The following ITGAE variants were observed in gnomAD, a reference collection of about 807,000 sequenced individuals.
The protein encoded by ITGAE is integrin subunit alpha E.
A neutral mutation model predicts 136.5 loss-of-function variants in ITGAE; 99 were observed. The observed-to-expected ratio is 0.73, with a 90% confidence interval of 0.62 to 0.86. The LOEUF is 0.86. Among genes scored for constraint, ITGAE ranks in the 40% least tolerant of loss-of-function variants. The probability of loss-of-function intolerance (pLI) is 0.00; values close to 1 mark genes in which losing one functional copy is unlikely to be tolerated. For missense variants in ITGAE, 1,447 were observed against 1,515.3 expected (o/e 0.95, Z 0.75); for synonymous variants, 613 against 591.8 (o/e 1.04, Z -0.52).
At chr17:3,719,774 C>G (rs2051013444) in intron 29 of ITGAE, among the ~76,000 whole-genome samples, 1 of 152,170 alleles carries the variant, frequency 6.6e-6, no homozygotes, top group Admixed American at 6.5e-5. Context: ...ATCACTGAGG[C>G]TGGAGTGGAG....
Position 3,751,871 on chromosome 17 carries a change from C to A in ITGAE, c.1672G>T (p.Gly558Cys), listed in dbSNP as rs1376427812. 6.2e-7 allele frequency: 1 copy of A among 1,613,562 alleles called. No individual in the cohort carries two copies. The highest frequency in any genetic ancestry group is 1.3e-5 in the African/African-American group (1 of 75,036). Reference protein sequence around the residue: ...VYVYRLSEQDGSFSLARILSG... With the variant: ...VYVYRLSEQDCSFSLARILSG... ...AGTATGCGTGCCAAGGAGAAAGAACCATCCTGTAAAGCAAACAAACAGCTC... is the reference window on the plus strand; with the variant it reads ...AGTATGCGTGCCAAGGAGAAAGAACAATCCTGTAAAGCAAACAAACAGCTC... Residue 558 changes from glycine (G) to cysteine (C), a missense_variant, in exon 15 of 31, where the codon GGT becomes TGT. This residue lies in a region of ITGAE where 1,031 missense variants were observed against 1,011.4 expected (regional missense o/e 1.02). Transcript: ENST00000263087.
intron 1 of ITGAE, among the ~76,000 whole-genome samples, chr17:3,791,782 T>G (rs1481535742): frequency 6.6e-6 from 1 of 152,160 alleles, no homozygotes; most frequent in Non-Finnish European, 1.5e-5. Flanking sequence ...CAGACGATGC[T>G]CTCACTGCTG....
chr17:3,742,325 A>G (rs1338406150), intron 19 of ITGAE, among the ~76,000 whole-genome samples: 1 of 152,228 alleles, frequency 6.6e-6, no homozygotes, highest in African/African-American at 2.4e-5. Context: ...TAATAGGACA[A>G]CTGGCAAAAT....
Position 3,723,394 on chromosome 17 carries a change from G to A in ITGAE, c.3142-11C>T, listed in dbSNP as rs774698538. The A allele has an allele frequency of 6.3e-7, 1 of 1,578,526 alleles. No homozygotes were observed. The highest frequency in any genetic ancestry group is 8.7e-7 in the Non-Finnish European group (1 of 1,147,682). ...CCATTCTTCCACATGCTGGAAAAGC[G>A]AGGTCTAGTGAACACAATTCCTTTC... On this transcript the variant is annotated splice_polypyrimidine_tract_variant and intron_variant, in intron 27 of 30. Coordinates refer to ENST00000263087, the MANE Select transcript of ITGAE (RefSeq NM_002208.5).
rs1301085989 is a variant in ITGAE at position 3,798,908 on chromosome 17, C to T, written c.34+2203G>A. ...GTTCCAGGGTTTCAGTGTCTGTCTG[C>T]ACCCAATGCTTCTAAAATCTCCCTT... On this transcript the variant is annotated intron_variant, in intron 1 of 30. Transcript: ENST00000263087. The surrounding 1 kb of genome is among the most constrained non-coding windows in gnomAD (Gnocchi z 4.3). Among the ~76,000 whole-genome samples, 1 of 152,168 alleles carries T rather than the reference C, an allele frequency of 6.6e-6. No individual in the cohort carries two copies. Among genetic ancestry groups the T allele is most frequent in the African/African-American group, 2.4e-5 (1 of 41,434 alleles).
At position 3,750,019 on chromosome 17, in the gene ITGAE, AAAAAAAC is replaced by A. The variant is rs760800354; in HGVS notation, c.2024+326_2024+332del. 6.6e-5 allele frequency among the ~76,000 whole-genome samples: 10 copies of A among 152,268 alleles called. 1 individual carries two copies. Among genetic ancestry groups the A allele is most frequent in the Non-Finnish European group, 4.4e-5 (3 of 68,024 alleles). Reference sequence around the variant, plus strand: ...CAAAAGAGGAAGACTCCGCCTCAGAAAAAAAACAAAAAACAAAAAACTCTGCAATCAC... The same window carrying A: ...CAAAAGAGGAAGACTCCGCCTCAGAAAAAAAACAAAAAACTCTGCAATCAC... On this transcript the variant is annotated intron_variant, in intron 16 of 30. Coordinates refer to ENST00000263087, the MANE Select transcript of ITGAE (RefSeq NM_002208.5).
intron 9 of ITGAE, 88 bp from the exon 10 acceptor site, chr17:3,757,222 G>C: frequency 6.8e-7 from 1 of 1,463,726 alleles, no homozygotes; most frequent in South Asian, 1.3e-5. Flanking sequence ...CTGGCCTCTG[G>C]GGCCCTCCAT....
chr17:3,719,758 C>T (rs935229530), intron 29 of ITGAE, among the ~76,000 whole-genome samples: 3 of 132,514 alleles, frequency 2.3e-5, no homozygotes, highest in African/African-American at 8.7e-5. Context: ...GACTGAGTCT[C>T]ACTCTATCAC....
rs548850660 is a variant in ITGAE, at chr17:3,723,764, C to T, written c.3085-20G>A. 1.0e-5 allele frequency: 16 copies of T among 1,605,312 alleles called. No homozygotes were observed. The South Asian group carries it at 1.0e-4, about 10-fold the overall frequency. ...GGAGGCCTGAAACGAGAGCCATGAC[C>T]GCGACGCGCTGAACAAACCAAGCCG... On this transcript the variant is annotated intron_variant, in intron 26 of 30. Coordinates refer to ENST00000263087, the MANE Select transcript of ITGAE (RefSeq NM_002208.5).
At chr17:3,715,071 C>T (rs752146644) in intron 30 of ITGAE, 129 bp from the exon 31 acceptor site, 2 of 620,000 alleles carry the variant, frequency 3.2e-6, no homozygotes, top group Non-Finnish European at 2.9e-6. Flanking sequence ...ACTCCCTTCT[C>T]CTAACTTACT....
chr17:3,796,046 T>C (rs895673846), intron 1 of ITGAE, among the ~76,000 whole-genome samples: 1 of 73,408 alleles, frequency 1.4e-5, no homozygotes, highest in Non-Finnish European at 3.2e-5. Context: ...CATCCGTGTG[T>C]GCATCTGTGT....
chr17:3,730,012 C>T (rs1029980861), intron 23 of ITGAE, among the ~76,000 whole-genome samples: 2 of 152,188 alleles, frequency 1.3e-5, no homozygotes, highest in African/African-American at 4.8e-5. Context: ...GCCCAACACG[C>T]ATTAGCTATT....
chr17:3,718,789 A>C (rs2472020), intron 29 of ITGAE, among the ~76,000 whole-genome samples: 20,787 of 152,122 alleles, frequency 0.14, 4,741 homozygotes, highest in African/African-American at 0.47. Flanking sequence ...ATGAAGGAAC[A>C]ATTATTTTTC....
At chr17:3,755,678 ATAAAT>A (rs2052002496) in intron 11 of ITGAE, 147 bp downstream of exon 11, 1 of 555,084 alleles carries the variant, frequency 1.8e-6, no homozygotes, top group Non-Finnish European at 3.1e-6. Flanking sequence ...AAATAAATAA[ATAAAT>A]TAATTAATTA....
At chr17:3,770,868 G>A (rs1161791741) in intron 2 of ITGAE, among the ~76,000 whole-genome samples, 1 of 152,162 alleles carries the variant, frequency 6.6e-6, no homozygotes, top group East Asian at 1.9e-4. Context: ...GGCTGTGAAT[G>A]TCGGTGGGAC....
In ITGAE at chr17:3,727,843, A is replaced by C. The variant is rs1226479553; in HGVS notation, c.3084+76T>G. 7 of 940,970 alleles carry C rather than the reference A, an allele frequency of 7.4e-6. No homozygotes were observed. In the African/African-American group the frequency reaches 1.1e-4, roughly 15 times the overall value. 58.3% of individuals were successfully genotyped at this position (940,970 alleles called of 1,614,324 possible). On this transcript the variant is annotated intron_variant, in intron 26 of 30. Coordinates refer to ENST00000263087, the MANE Select transcript of ITGAE (RefSeq NM_002208.5). ...AACTTGTCTTCACTCTGTTTCTAGA[A>C]CTCTGGTTTTTATACTTGAGACTCT...
chr17:3,791,602 G>T (rs1430259716), intron 1 of ITGAE, among the ~76,000 whole-genome samples: 1 of 152,120 alleles, frequency 6.6e-6, no homozygotes, highest in East Asian at 1.9e-4. Flanking sequence ...CTTTAGAAAT[G>T]AAAATGTCCA....
At chr17:3,729,424 G>T in intron 24 of ITGAE, 54 bp downstream of exon 24, 1 of 1,116,506 alleles carries the variant, frequency 9.0e-7, no homozygotes, top group Non-Finnish European at 1.4e-6. Flanking sequence ...AGAGCCCAAA[G>T]CTGCCCCCTG....
chr17:3,780,039 T>C (rs1040776954), intron 1 of ITGAE, among the ~76,000 whole-genome samples: 2 of 152,188 alleles, frequency 1.3e-5, no homozygotes, highest in African/African-American at 4.8e-5. Flanking sequence ...AGTGGCACGA[T>C]CTCGGCTCAC....
Sources: gnomAD v4.1 joint callset for allele counts (sites outside exome capture counted in the v4.1 genomes callset) on GRCh38, gnomAD v4.1.1 for gene constraint, gnomAD v4.1.1 regional missense constraint, Gnocchi (gnomAD v3.1) non-coding constraint, MANE v1.5 for transcripts, NCBI Gene and HGNC (gene_info 2026-07-23, HGNC 2026-07-21) for gene names.